TBC1D1: variants seen among roughly 807,000 people sequenced by gnomAD.
TBC1D1 encodes TBC1 domain family member 1.
A neutral mutation model predicts 125.6 loss-of-function variants in TBC1D1; 89 were observed. That is an observed-to-expected ratio of 0.71 (90% confidence interval 0.60 to 0.85). The LOEUF is 0.85. Among genes scored for constraint, TBC1D1 ranks in the 40% least tolerant of loss-of-function variants. The probability of loss-of-function intolerance (pLI) is 0.00; values close to 1 mark genes in which losing one functional copy is unlikely to be tolerated. For synonymous variants in TBC1D1, 565 were observed against 564.1 expected (o/e 1.00, Z -0.02); for missense variants, 1,377 against 1,469.2 (o/e 0.94, Z 1.03).
intron 2 of TBC1D1, among the ~76,000 whole-genome samples, chr4:37,911,705 G>A (rs1346577523): frequency 6.6e-6 from 1 of 152,152 alleles, no homozygotes; most frequent in African/African-American, 2.4e-5. Flanking sequence ...CATGTGTTTT[G>A]CTGGGTGCTG....
chr4:37,965,852 G>A (rs1290225881), intron 2 of TBC1D1, among the ~76,000 whole-genome samples: 1 of 152,058 alleles, frequency 6.6e-6, no homozygotes, highest in Non-Finnish European at 1.5e-5. Flanking sequence ...CCAGATTCAA[G>A]CGATTCTCCT....
At chr4:37,960,455 T>A in intron 2 of TBC1D1, 1 of 1,613,766 alleles carries the variant, frequency 6.2e-7, no homozygotes, top group South Asian at 1.1e-5. Context: ...TGATCTACGT[T>A]GATAAGGAAA....
At chr4:38,101,394 T>A (rs901830379) in intron 14 of TBC1D1, among the ~76,000 whole-genome samples, 2 of 152,246 alleles carry the variant, frequency 1.3e-5, no homozygotes. Flanking sequence ...TTTGGCCTTG[T>A]AATAGCTGAG....
intron 12 of TBC1D1, among the ~76,000 whole-genome samples, chr4:38,066,926 G>C (rs933782740): frequency 1.3e-5 from 2 of 152,024 alleles, no homozygotes; most frequent in Non-Finnish European, 2.9e-5. Flanking sequence ...CGCCGGGCTG[G>C]AGTGCAGTGG....
chr4:38,040,379 C>T (rs958910846), intron 8 of TBC1D1, among the ~76,000 whole-genome samples: 2 of 152,156 alleles, frequency 1.3e-5, no homozygotes, highest in Non-Finnish European at 2.9e-5. Context: ...ACCTCCGCCT[C>T]CCGGGTTCAA....
chr4:37,895,344 C>T (rs1238448279), intron 1 of TBC1D1, among the ~76,000 whole-genome samples: 2 of 152,164 alleles, frequency 1.3e-5, no homozygotes, highest in Admixed American at 6.6e-5. Context: ...GACACTCGCC[C>T]ATTTCCCACC....
At chr4:37,906,936 T>C (rs1489054686) in intron 2 of TBC1D1, among the ~76,000 whole-genome samples, 1 of 152,252 alleles carries the variant, frequency 6.6e-6, no homozygotes. Flanking sequence ...TCTACTAATA[T>C]GTACTCTATT....
intron 2 of TBC1D1, among the ~76,000 whole-genome samples, chr4:37,921,195 G>A (rs988300463): frequency 2.7e-5 from 4 of 150,390 alleles, no homozygotes; most frequent in Non-Finnish European, 5.9e-5. Flanking sequence ...GGTAATGGCT[G>A]ATGAACATCC....
intron 2 of TBC1D1, among the ~76,000 whole-genome samples, chr4:37,964,506 C>G (rs1366189461): frequency 6.6e-6 from 1 of 152,234 alleles, no homozygotes; most frequent in African/African-American, 2.4e-5. Context: ...CAGGGTTTTC[C>G]TGTCCACTAG....
intron 19 of TBC1D1, among the ~76,000 whole-genome samples, chr4:38,135,918 GTGTATA>G (rs746944954): frequency 0.036 from 4,123 of 115,842 alleles, 68 homozygotes; most frequent in Non-Finnish European, 0.051. Flanking sequence ...ATACGTGTGT[GTGTATA>G]TGTGTGTGTG....
At chr4:37,911,210 C>T (rs975035779) in intron 2 of TBC1D1, among the ~76,000 whole-genome samples, 4 of 138,726 alleles carry the variant, frequency 2.9e-5, no homozygotes, top group African/African-American at 8.1e-5. Flanking sequence ...CCATAAAGGT[C>T]ACTTAAGTCT....
chr4:38,032,985 A>G (rs911268940), intron 7 of TBC1D1, among the ~76,000 whole-genome samples: 12 of 152,200 alleles, frequency 7.9e-5, no homozygotes, highest in Non-Finnish European at 1.6e-4. Flanking sequence ...TTGATTGTGT[A>G]TAACACCATC....
chr4:38,135,172 G>C (rs1022630975), intron 19 of TBC1D1, among the ~76,000 whole-genome samples: 1 of 152,090 alleles, frequency 6.6e-6, no homozygotes, highest in African/African-American at 2.4e-5. Flanking sequence ...TTTCTGGGGG[G>C]GCCAAAATAC....
intron 2 of TBC1D1, among the ~76,000 whole-genome samples, chr4:37,910,222 A>G (rs959010496): frequency 4.6e-5 from 7 of 152,174 alleles, no homozygotes; most frequent in African/African-American, 1.7e-4. Context: ...AGACTTTACA[A>G]GTGTCTTGCA....
chr4:37,946,287 A>T (rs1726682242), intron 2 of TBC1D1, among the ~76,000 whole-genome samples: 1 of 152,228 alleles, frequency 6.6e-6, no homozygotes, highest in South Asian at 2.1e-4. Context: ...AATATGGTTA[A>T]CTGTAATTTA....
chr4:37,954,824 G>GA (rs11380099), intron 2 of TBC1D1, among the ~76,000 whole-genome samples: 56,846 of 131,146 alleles, frequency 0.43, 13,113 homozygotes, highest in East Asian at 0.76. Flanking sequence ...CAGCTGACAT[G>GA]AAAAAAAAAA....
At chr4:37,968,660 C>A (rs746167798) in intron 2 of TBC1D1, among the ~76,000 whole-genome samples, 1 of 152,174 alleles carries the variant, frequency 6.6e-6, no homozygotes, top group Non-Finnish European at 1.5e-5. Flanking sequence ...TATTGAGCAC[C>A]GTTTGCTCTG....
Position 37,977,491 on chromosome 4 carries a change from C to T in TBC1D1, c.418-37018C>T. On this transcript the variant is annotated intron_variant, in intron 2 of 19. Transcript: ENST00000261439. The surrounding 1 kb of genome is among the most constrained non-coding windows in gnomAD (Gnocchi z 4.3). ...AGCCGGCGGGCGAAGAGCCGCCGCCCGGCCCGCGATGTCACCATTGTTCAG... is the reference window on the plus strand; with the variant it reads ...AGCCGGCGGGCGAAGAGCCGCCGCCTGGCCCGCGATGTCACCATTGTTCAG... 4.0e-6 allele frequency: 4 copies of T among 990,454 alleles called. No individual in the cohort carries two copies. The highest frequency in any genetic ancestry group is 4.8e-6 in the Non-Finnish European group (4 of 827,838). The allele number at this position is 990,454 out of a possible 1,614,324, so 61.4% of individuals were successfully genotyped here.
intron 15 of TBC1D1, among the ~76,000 whole-genome samples, chr4:38,106,243 A>G (rs1280747951): frequency 6.6e-6 from 1 of 152,162 alleles, no homozygotes; most frequent in Non-Finnish European, 1.5e-5. Context: ...CAGCCCTGGG[A>G]AGGTGGCCTG....
Sources: gnomAD v4.1 joint callset for allele counts (sites outside exome capture counted in the v4.1 genomes callset) on GRCh38, gnomAD v4.1.1 for gene constraint, Gnocchi (gnomAD v3.1) non-coding constraint, MANE v1.5 for transcripts, NCBI Gene and HGNC (gene_info 2026-07-23, HGNC 2026-07-21) for gene names.